The following UMAD1 variants were observed in gnomAD, a reference collection of about 807,000 sequenced individuals.
The protein encoded by UMAD1 is UBAP1-MVB12-associated (UMA)-domain containing protein 1.
Under a neutral mutation model 6.1 loss-of-function variants are expected in UMAD1, and 8 were observed. That is an observed-to-expected ratio of 1.30 (90% CI 0.76 to 2.35). The LOEUF (loss-of-function observed/expected upper bound fraction) is 2.35, where lower values mean the gene tolerates loss of function less well. UMAD1 is among the 30% of genes most tolerant of loss of function. The probability of loss-of-function intolerance (pLI) is 0.00; values close to 1 mark genes in which losing one functional copy is unlikely to be tolerated. For synonymous variants in UMAD1, 56 were observed against 31.4 expected (o/e 1.78, Z -2.61); for missense variants, 130 against 78.4 (o/e 1.66, Z -2.49).
chr7:7,724,869 T>C (rs1781111883), intron 2 of UMAD1, among the ~76,000 whole-genome samples: 1 of 152,236 alleles, frequency 6.6e-6, no homozygotes, highest in South Asian at 2.1e-4. Flanking sequence ...CAGGGGTATA[T>C]CAACTCTCTG....
chr7:7,870,771 C>T (rs188029632), intron 3 of UMAD1, among the ~76,000 whole-genome samples: 66 of 152,308 alleles, frequency 4.3e-4, no homozygotes, highest in Middle Eastern at 3.4e-3. Context: ...TCATGGCACT[C>T]ACCCTGCTGC....
chr7:7,699,046 G>T (rs1268054526), intron 2 of UMAD1, among the ~76,000 whole-genome samples: 1 of 123,062 alleles, frequency 8.1e-6, no homozygotes, highest in Non-Finnish European at 1.8e-5. Flanking sequence ...GTGTGTGTGT[G>T]TGTGGGGGGG....
At chr7:7,780,018 T>G (rs1162145306) in intron 2 of UMAD1, among the ~76,000 whole-genome samples, 1 of 152,264 alleles carries the variant, frequency 6.6e-6, no homozygotes, top group Non-Finnish European at 1.5e-5. Flanking sequence ...AGTCAAAACT[T>G]GCTGGTCCCT....
chr7:7,781,750 C>G (rs1481077750), intron 2 of UMAD1, among the ~76,000 whole-genome samples: 1 of 151,948 alleles, frequency 6.6e-6, no homozygotes, highest in Non-Finnish European at 1.5e-5. Context: ...TTAGCAAGCT[C>G]TTATTAATGT....
chr7:7,709,450 C>T (rs1318161879), intron 2 of UMAD1, among the ~76,000 whole-genome samples: 9 of 152,262 alleles, frequency 5.9e-5, no homozygotes, highest in Non-Finnish European at 1.3e-4. Flanking sequence ...CATTGCCACC[C>T]GAGGAGGGCA....
intron 3 of UMAD1, among the ~76,000 whole-genome samples, chr7:7,850,007 T>A (rs979586873): frequency 2.0e-5 from 3 of 152,182 alleles, no homozygotes; most frequent in African/African-American, 7.2e-5. Context: ...AAAACACCCA[T>A]TTTTGATGAT....
intron 3 of UMAD1, among the ~76,000 whole-genome samples, chr7:7,816,400 A>G (rs1171896326): frequency 6.6e-6 from 1 of 152,204 alleles, no homozygotes; most frequent in Admixed American, 6.5e-5. Flanking sequence ...TGTGTGCAGA[A>G]CTAAACTGAG....
chr7:7,804,294 A>G (rs1051660798), intron 3 of UMAD1, among the ~76,000 whole-genome samples: 2 of 152,250 alleles, frequency 1.3e-5, no homozygotes, highest in Non-Finnish European at 2.9e-5. Flanking sequence ...TAGAGGCTAT[A>G]TATGTTTTGC....
intron 2 of UMAD1, among the ~76,000 whole-genome samples, chr7:7,695,555 A>G (rs1385883238): frequency 6.6e-6 from 1 of 152,138 alleles, no homozygotes; most frequent in Non-Finnish European, 1.5e-5. Context: ...GAGCAAGAAC[A>G]CTCAAGCTTT....
intron 2 of UMAD1, among the ~76,000 whole-genome samples, chr7:7,680,069 G>C (rs976444332): frequency 2.0e-5 from 3 of 151,820 alleles, no homozygotes; most frequent in African/African-American, 7.3e-5. Context: ...GTCCATTTTT[G>C]CTTTGGTTGC....
intron 3 of UMAD1, among the ~76,000 whole-genome samples, chr7:7,823,281 A>G (rs967584366): frequency 6.6e-6 from 1 of 152,180 alleles, no homozygotes; most frequent in South Asian, 2.1e-4. Context: ...TCCCTTAACT[A>G]TGATTGCCAG....
chr7:7,867,740 A>G (rs1784259403), intron 3 of UMAD1, among the ~76,000 whole-genome samples: 1 of 152,112 alleles, frequency 6.6e-6, no homozygotes, highest in East Asian at 1.9e-4. Context: ...ATAGAAAGAT[A>G]GTATGGGAGT....
intron 3 of UMAD1, among the ~76,000 whole-genome samples, chr7:7,876,018 G>A (rs565306525): frequency 4.6e-5 from 7 of 152,240 alleles, no homozygotes; most frequent in Admixed American, 6.5e-5. Flanking sequence ...CACGCACTGC[G>A]CCCCAGCCTG....
At chr7:7,740,063 G>A (rs1781432716) in intron 2 of UMAD1, among the ~76,000 whole-genome samples, 1 of 152,180 alleles carries the variant, frequency 6.6e-6, no homozygotes, top group Non-Finnish European at 1.5e-5. Flanking sequence ...ATTGTTAAAA[G>A]TTCTTGAAAC....
intron 2 of UMAD1, among the ~76,000 whole-genome samples, chr7:7,704,896 A>G (rs765786046): frequency 2.6e-5 from 4 of 152,096 alleles, no homozygotes; most frequent in Non-Finnish European, 4.4e-5. Flanking sequence ...TGGGTAAAGT[A>G]AAATAGGCCT....
At chr7:7,687,142 C>G (rs1780058762) in intron 2 of UMAD1, 2 of 152,188 alleles carry the variant, frequency 1.3e-5, no homozygotes, top group South Asian at 4.1e-4. Context: ...CTAAGTAATA[C>G]AGGTACTGAA....
At chr7:7,685,615 T>C (rs1191176595) in intron 2 of UMAD1, among the ~76,000 whole-genome samples, 1 of 152,188 alleles carries the variant, frequency 6.6e-6, no homozygotes, top group African/African-American at 2.4e-5. Context: ...GCCACATTAA[T>C]CTTTATAAAT....
chr7:7,754,956 T>C (rs1781749102), intron 2 of UMAD1, among the ~76,000 whole-genome samples: 1 of 152,218 alleles, frequency 6.6e-6, no homozygotes, highest in Non-Finnish European at 1.5e-5. Context: ...CAGTATAATA[T>C]TCTCTTCTGT....
At chr7:7,806,540 A>G (rs1201664001) in intron 3 of UMAD1, among the ~76,000 whole-genome samples, 3 of 152,226 alleles carry the variant, frequency 2.0e-5, no homozygotes, top group African/African-American at 4.8e-5. Flanking sequence ...GGGTAGATAA[A>G]TGAAAAATAA....
Sources: allele counts gnomAD v4.1 joint callset (sites outside exome capture counted in the v4.1 genomes callset), GRCh38; gene constraint gnomAD v4.1.1; transcripts MANE v1.5; gene names NCBI Gene and HGNC (gene_info 2026-07-23, HGNC 2026-07-21).